DLGAP2: variants seen among roughly 807,000 people sequenced by gnomAD.
DLGAP2 encodes the protein disks large-associated protein 2.
A neutral mutation model predicts 100.3 loss-of-function variants in DLGAP2; 26 were observed. The observed-to-expected ratio is 0.26, with a 90% CI of 0.19 to 0.36. DLGAP2 has a LOEUF of 0.36. Ranked by LOEUF, DLGAP2 falls within the 10% of genes least tolerant of loss-of-function variation. The pLI is 1.00. For synonymous variants in DLGAP2, 886 were observed against 630.1 expected (o/e 1.41, Z -6.08); for missense variants, 1,858 against 1,453.2 (o/e 1.28, Z -4.53).
intron 3 of DLGAP2, among the ~76,000 whole-genome samples, chr8:1,376,549 C>G (rs1367067030): frequency 6.6e-6 from 1 of 152,314 alleles, no homozygotes; most frequent in East Asian, 1.9e-4. Context: ...GAAGACGCTC[C>G]CTTTCAGAAG....
chr8:983,024 C>A (rs909487351), intron 2 of DLGAP2, among the ~76,000 whole-genome samples: 2 of 151,798 alleles, frequency 1.3e-5, no homozygotes, highest in Non-Finnish European at 2.9e-5. Flanking sequence ...AGATAGGGAG[C>A]TGTTTGAAAA....
chr8:1,219,295 G>A (rs1448130881), intron 2 of DLGAP2, among the ~76,000 whole-genome samples: 1 of 152,074 alleles, frequency 6.6e-6, no homozygotes, highest in Non-Finnish European at 1.5e-5. Flanking sequence ...AAGTTCCTCT[G>A]ATGACTAGTT....
intron 2 of DLGAP2, among the ~76,000 whole-genome samples, chr8:1,103,259 G>A (rs919829645): frequency 7.9e-5 from 12 of 152,202 alleles, no homozygotes; most frequent in African/African-American, 2.9e-4. Context: ...TCCAGGCTCT[G>A]TTGGATTCAT....
Position 1,678,460 on chromosome 8 carries a change from A to G in DLGAP2, c.2535A>G (p.Pro845=), listed in dbSNP as rs1397341967. ...TQVDTSTLPP[P]DPWLEPAIDT... is the part of the protein sequence containing the mutation. The stretch of plus-strand genomic sequence containing the variant: ...TGGACACCTCCACCCTGCCCCCTCC[A>G]GACCCCTGGCTGGAGCCCGCCATCG... Residue 845 remains proline (P), a synonymous_variant, in exon 12 of 15, where the codon CCA becomes CCG. Transcript: ENST00000637795. 6.2e-7 allele frequency: 1 copy of G among 1,613,500 alleles called. No individual in the cohort carries two copies. Among genetic ancestry groups the G allele is most frequent in the Non-Finnish European group, 8.5e-7 (1 of 1,179,738 alleles).
intron 3 of DLGAP2, among the ~76,000 whole-genome samples, chr8:1,311,368 C>G (rs899044600): frequency 2.0e-5 from 3 of 152,278 alleles, no homozygotes; most frequent in Middle Eastern, 3.4e-3. Context: ...TGAATTAACA[C>G]AAATCCACAG....
chr8:968,357 G>T (rs1260872075), intron 2 of DLGAP2, among the ~76,000 whole-genome samples: 1 of 152,180 alleles, frequency 6.6e-6, no homozygotes, highest in African/African-American at 2.4e-5. Flanking sequence ...GTAGGAATGG[G>T]AAGCATGGCC....
At chr8:1,364,415 C>T (rs1168765357) in intron 3 of DLGAP2, among the ~76,000 whole-genome samples, 3 of 152,080 alleles carry the variant, frequency 2.0e-5, no homozygotes, top group East Asian at 3.9e-4. Flanking sequence ...GGCCTGGGGG[C>T]CTCCTCCACC....
At chr8:952,699 A>C (rs1799509958) in intron 2 of DLGAP2, among the ~76,000 whole-genome samples, 1 of 152,222 alleles carries the variant, frequency 6.6e-6, no homozygotes, top group African/African-American at 2.4e-5. Flanking sequence ...AAACAGGTAT[A>C]TATGAAAAAA....
Position 1,409,216 on chromosome 8 carries a change from C to T in DLGAP2, c.107-92150C>T, listed in dbSNP as rs1204151895. ...CCTTGGACCACTGCCCAACTCCTTCCTCACCATAGGAAGCCCATCTCCCCT... is the reference window on the plus strand; with the variant it reads ...CCTTGGACCACTGCCCAACTCCTTCTTCACCATAGGAAGCCCATCTCCCCT... On this transcript the variant is annotated intron_variant, in intron 3 of 14. Coordinates refer to ENST00000637795, the MANE Select transcript of DLGAP2 (RefSeq NM_001346810.2). 6.6e-5 allele frequency among the ~76,000 whole-genome samples: 10 copies of T among 151,818 alleles called. 1 individual carries two copies. Among genetic ancestry groups the T allele is most frequent in the African/African-American group, 2.2e-4 (9 of 41,286 alleles).
intron 4 of DLGAP2, among the ~76,000 whole-genome samples, chr8:1,536,479 A>C (rs1801157566): frequency 6.6e-6 from 1 of 152,142 alleles, no homozygotes; most frequent in Non-Finnish European, 1.5e-5. Flanking sequence ...TTTTCAAGTG[A>C]ACGAAAAGAT....
At chr8:813,050 C>T (rs571030151) in intron 1 of DLGAP2, among the ~76,000 whole-genome samples, 2 of 152,242 alleles carry the variant, frequency 1.3e-5, no homozygotes, top group African/African-American at 2.4e-5. Context: ...CATAATACCC[C>T]GGTATGCTTT....
At chr8:1,212,826 G>T (rs13266215) in intron 2 of DLGAP2, among the ~76,000 whole-genome samples, 25,644 of 133,900 alleles carry the variant, frequency 0.19, 2,857 homozygotes, top group African/African-American at 0.35. Flanking sequence ...TCATGTTTCT[G>T]AATAAGAATG....
rs372299818 is a variant in DLGAP2 at position 1,179,445 on chromosome 8, G to A, written c.74-79406G>A. Among the ~76,000 whole-genome samples, 387 of 152,348 alleles carry A rather than the reference G, an allele frequency of 2.5e-3. 9 individuals are homozygous for A. The South Asian group carries it at 0.039, about 15-fold the overall frequency. On this transcript the variant is annotated intron_variant, in intron 2 of 14. Transcript: ENST00000637795. ...TTCTGGGAAGGCTCAGCTCCCTGCT[G>A]TCCACACCTTCAGGAGCGTCCCCAG...
At chr8:1,033,693 G>A (rs569640027) in intron 2 of DLGAP2, among the ~76,000 whole-genome samples, 2 of 152,238 alleles carry the variant, frequency 1.3e-5, no homozygotes, top group South Asian at 2.1e-4. Flanking sequence ...AGAACCGCGA[G>A]TGGATTCACA....
chr8:804,131 C>T (rs1162073733), intron 1 of DLGAP2, among the ~76,000 whole-genome samples: 2 of 152,060 alleles, frequency 1.3e-5, no homozygotes, highest in Non-Finnish European at 2.9e-5. Context: ...CTGTAGGATT[C>T]TCATTGTGGA....
chr8:1,152,116 A>G (rs1418391005), intron 2 of DLGAP2, among the ~76,000 whole-genome samples: 2 of 152,216 alleles, frequency 1.3e-5, no homozygotes, highest in Non-Finnish European at 2.9e-5. Flanking sequence ...TATGTGTTCA[A>G]ATATTTACTG....
At chr8:1,155,513 A>G (rs1414939384) in intron 2 of DLGAP2, among the ~76,000 whole-genome samples, 2 of 152,044 alleles carry the variant, frequency 1.3e-5, no homozygotes, top group Non-Finnish European at 1.5e-5. Flanking sequence ...AAGAGTTTCC[A>G]TGGCAGGAGG....
At chr8:1,284,162 G>A (rs1585221865) in intron 3 of DLGAP2, among the ~76,000 whole-genome samples, 2 of 152,324 alleles carry the variant, frequency 1.3e-5, no homozygotes, top group Admixed American at 1.3e-4. Flanking sequence ...TCCTGCAGTA[G>A]CTAAGTACAG....
chr8:1,465,161 A>T (rs1295143731), intron 3 of DLGAP2, among the ~76,000 whole-genome samples: 3 of 152,218 alleles, frequency 2.0e-5, no homozygotes, highest in Non-Finnish European at 4.4e-5. Flanking sequence ...ACGACTTTGG[A>T]TGCTGATCAC....
Sources: gnomAD v4.1 joint callset for allele counts (sites outside exome capture counted in the v4.1 genomes callset) on GRCh38, gnomAD v4.1.1 for gene constraint, MANE v1.5 for transcripts, NCBI Gene and HGNC (gene_info 2026-07-23, HGNC 2026-07-21) for gene names.